ESF1: variants seen among roughly 807,000 people sequenced by gnomAD.
ESF1 encodes the protein ESF1 nucleolar pre-rRNA processing protein.
A neutral mutation model predicts 92.0 loss-of-function variants in ESF1; 58 were observed. That is an observed-to-expected ratio of 0.63 (90% CI 0.51 to 0.78). The LOEUF (loss-of-function observed/expected upper bound fraction) is 0.78. Ranked by LOEUF, ESF1 falls within the 30% of genes least tolerant of loss-of-function variation. The probability of loss-of-function intolerance (pLI) is 0.00; values close to 1 mark genes in which losing one functional copy is unlikely to be tolerated. For missense variants in ESF1, 922 were observed against 989.1 expected, an observed-to-expected ratio of 0.93 and a Z score of 0.91; for synonymous variants, 321 against 313.7, an observed-to-expected ratio of 1.02 and a Z score of -0.24.
chr20:13,726,496 T>C (rs938609849), intron 11 of ESF1, among the ~76,000 whole-genome samples: 3 of 152,234 alleles, frequency 2.0e-5, no homozygotes, highest in African/African-American at 7.2e-5. Context: ...GTCTCAGCTC[T>C]AATGCCATCA....
At chr20:13,760,152 A>C (rs972531982) in intron 8 of ESF1, among the ~76,000 whole-genome samples, 1 of 152,278 alleles carries the variant, frequency 6.6e-6, no homozygotes, top group Non-Finnish European at 1.5e-5. Flanking sequence ...TATAAGCTGC[A>C]AGATAATGAA....
intron 7 of ESF1, among the ~76,000 whole-genome samples, chr20:13,768,636 C>T (rs1409585056): frequency 6.7e-6 from 1 of 148,640 alleles, no homozygotes; most frequent in Non-Finnish European, 1.5e-5. Flanking sequence ...GTGGCTCACA[C>T]CTATAATACC....
At chr20:13,744,609 C>T (rs1314473069) in intron 9 of ESF1, among the ~76,000 whole-genome samples, 1 of 152,164 alleles carries the variant, frequency 6.6e-6, no homozygotes, top group African/African-American at 2.4e-5. Context: ...GCCACACTGG[C>T]CTCCTTATTA....
chr20:13,717,276 G>A, intron 13 of ESF1, 92 bp downstream of exon 13: 1 of 1,480,790 alleles, frequency 6.8e-7, no homozygotes, highest in Non-Finnish European at 9.2e-7. Context: ...ACATTTTCAA[G>A]GGTAACTTTG....
At chr20:13,719,951 T>A (rs1568707718) in intron 11 of ESF1, among the ~76,000 whole-genome samples, 1 of 152,214 alleles carries the variant, frequency 6.6e-6, no homozygotes, top group Non-Finnish European at 1.5e-5. Context: ...CTAGCTCTAT[T>A]ACCAGGCAAT....
At chr20:13,743,816 A>T (rs2050030791) in intron 9 of ESF1, among the ~76,000 whole-genome samples, 1 of 152,220 alleles carries the variant, frequency 6.6e-6, no homozygotes, top group Non-Finnish European at 1.5e-5. Context: ...GTGGTGATGG[A>T]TGTGTTAATA....
chr20:13,775,981 T>C lies in ESF1; in HGVS notation c.927A>G (p.Ile309Met), dbSNP rs1482151667. The change falls in exon 3 of 14, where the codon ATA becomes ATG. Residue 309 changes from isoleucine (I) to methionine (M), a missense_variant. Transcript: ENST00000617257. ...GPDLARGKGN[I>M]ETSSEDEDDT... is the part of the protein sequence containing the mutation. ...CATCTTCATCTTCAGAACTAGTTTC[T>C]ATATTTCCTTTACCCCTTGCAAGAT... is the stretch of plus-strand genomic sequence containing the variant. The C allele has an allele frequency of 1.1e-5, 18 of 1,613,974 alleles. No individual in the cohort carries two copies. Among genetic ancestry groups the C allele is most frequent in the Non-Finnish European group, 1.3e-5 (15 of 1,179,936 alleles).
chr20:13,731,895 G>C (rs2049945880), intron 10 of ESF1, among the ~76,000 whole-genome samples: 1 of 152,232 alleles, frequency 6.6e-6, no homozygotes, highest in African/African-American at 2.4e-5. Flanking sequence ...CTGGACACAT[G>C]GAGGTTCCTG....
intron 9 of ESF1, among the ~76,000 whole-genome samples, chr20:13,752,133 A>G (rs1015918905): frequency 6.6e-6 from 1 of 152,270 alleles, no homozygotes; most frequent in African/African-American, 2.4e-5. Context: ...CATCATTTTT[A>G]GATAACTCTT....
rs764721304 is a variant in ESF1 at position 13,766,783 on chromosome 20, G to C, written c.1660C>G (p.Leu554Val). ...ACTGAAAGATTAACAATACCTTGTA[G>C]CTCCTCTTCTATCTCCTCTTCATCT... is the stretch of plus-strand genomic sequence containing the variant. ...SEDEEEIEEE[L>V]QGDDGVNVEE... Residue 554 changes from leucine to valine, a missense_variant, in exon 8 of 14, where the codon CTA becomes GTA. Transcript: ENST00000617257. The C allele has an allele frequency of 1.2e-6, 2 of 1,613,260 alleles. No homozygotes were observed. Among genetic ancestry groups the C allele is most frequent in the South Asian group, 2.2e-5 (2 of 91,040 alleles).
chr20:13,764,927 AAAAC>A (rs1979364634), intron 8 of ESF1, among the ~76,000 whole-genome samples: 1 of 151,908 alleles, frequency 6.6e-6, no homozygotes, highest in South Asian at 2.1e-4. Flanking sequence ...TAAAAAAAAA[AAAAC>A]AAAAACAAAG....
intron 8 of ESF1, among the ~76,000 whole-genome samples, chr20:13,766,554 A>G (rs1470278078): frequency 1.3e-5 from 2 of 152,250 alleles, no homozygotes; most frequent in Non-Finnish European, 2.9e-5. Context: ...GCATTAGGAC[A>G]AGTCTAGAAG....
At chr20:13,731,650 G>A (rs1475725101) in intron 10 of ESF1, among the ~76,000 whole-genome samples, 1 of 152,088 alleles carries the variant, frequency 6.6e-6, no homozygotes, top group Non-Finnish European at 1.5e-5. Flanking sequence ...CCCACGTGGT[G>A]TTACATATAT....
chr20:13,716,595 C>T (rs1433182620), intron 13 of ESF1, among the ~76,000 whole-genome samples: 1 of 151,698 alleles, frequency 6.6e-6, no homozygotes, highest in African/African-American at 2.4e-5. Flanking sequence ...AAGACAGTAG[C>T]CTTTGGCTCC....
intron 11 of ESF1, 103 bp from the exon 12 acceptor site, chr20:13,719,087 A>T (rs958848530): frequency 9.6e-6 from 7 of 729,436 alleles, no homozygotes; most frequent in Admixed American, 3.7e-5. Context: ...GAATAATCTT[A>T]ACAATAAATG....
intron 9 of ESF1, among the ~76,000 whole-genome samples, chr20:13,737,638 T>C (rs775168571): frequency 6.6e-6 from 1 of 152,108 alleles, no homozygotes; most frequent in Admixed American, 6.6e-5. Context: ...AACTTCAAAT[T>C]TGGAATCCAC....
chr20:13,763,861 T>C (rs1181610852), intron 8 of ESF1, among the ~76,000 whole-genome samples: 6 of 152,234 alleles, frequency 3.9e-5, no homozygotes, highest in African/African-American at 1.4e-4. Flanking sequence ...TATGTGGTTG[T>C]ATTAATATGA....
intron 10 of ESF1, 22 bp downstream of exon 10, chr20:13,733,699 T>C (rs1465294484): frequency 6.2e-7 from 1 of 1,605,752 alleles, no homozygotes; most frequent in African/African-American, 1.3e-5. Context: ...AACAAACATT[T>C]GGTCATAATT....
chr20:13,774,324 A>ACTT, intron 4 of ESF1, among the ~76,000 whole-genome samples: 1 of 152,258 alleles, frequency 6.6e-6, no homozygotes, highest in Non-Finnish European at 1.5e-5. Flanking sequence ...TTCAAAGGAA[A>ACTT]CGCTCATTGG....
Sources: allele counts gnomAD v4.1 joint callset (sites outside exome capture counted in the v4.1 genomes callset), GRCh38; gene constraint gnomAD v4.1.1; transcripts MANE v1.5; gene names NCBI Gene and HGNC (gene_info 2026-07-23, HGNC 2026-07-21).